Variants in ARHGEF1 observed in about 807,000 individuals in gnomAD.
ARHGEF1 encodes the protein Rho guanine nucleotide exchange factor 1, also known as 115 kDa guanine nucleotide exchange factor.
In ARHGEF1, 40 loss-of-function variants were observed where a neutral mutation model predicts 119.7. The ratio of observed to expected loss-of-function variants is 0.33; its 90% CI spans 0.26 to 0.44. The LOEUF (loss-of-function observed/expected upper bound fraction) is 0.44. ARHGEF1 is among the 20% of genes least tolerant of loss of function. The pLI, the probability that ARHGEF1 is intolerant of heterozygous loss-of-function variation, is 1.00. For synonymous variants in ARHGEF1, 494 were observed against 521.0 expected, an observed-to-expected ratio of 0.95 and a Z score of 0.71; for missense variants, 976 against 1,268.3, an observed-to-expected ratio of 0.77 and a Z score of 3.50.
chr19:41,904,452 G>A lies in ARHGEF1; in HGVS notation c.2161+69G>A. 2.7e-6 allele frequency: 4 copies of A among 1,462,806 alleles called. No homozygotes were observed. Among genetic ancestry groups the A allele is most frequent in the Non-Finnish European group, 3.6e-6 (4 of 1,103,156 alleles). The allele number at this position is 1,462,806 out of a possible 1,614,324, so 90.6% of individuals were successfully genotyped here. A position where few individuals can be genotyped will look rare whatever the true frequency, so the allele number is the denominator to read the frequency against. On this transcript the variant is annotated intron_variant, in intron 22 of 28. Transcript: ENST00000354532. The surrounding 1 kb of genome is among the most constrained non-coding windows in gnomAD (Gnocchi z 8.4). ...TTGGGCAGAGCTGCCTGTGGAGTGGGGAGCAGAACCCTCTAGAGAGCCAGG... is the reference window on the plus strand; with the variant it reads ...TTGGGCAGAGCTGCCTGTGGAGTGGAGAGCAGAACCCTCTAGAGAGCCAGG...
At chr19:41,894,985 T>G (rs1293844091) in intron 11 of ARHGEF1, among the ~76,000 whole-genome samples, 491 of 51,176 alleles carry the variant, frequency 9.6e-3, no homozygotes, top group Non-Finnish European at 0.019. Context: ...GGGTCCGAGG[T>G]AGGAGGGATT....
chr19:41,893,850 GA>G (rs1281070211), intron 8 of ARHGEF1, among the ~76,000 whole-genome samples: 4 of 92,370 alleles, frequency 4.3e-5, no homozygotes, highest in African/African-American at 2.4e-4. Flanking sequence ...TCTGAGGGAG[GA>G]AGGGGCTGGG....
intron 13 of ARHGEF1, chr19:41,896,829 CA>C (rs2074502619): frequency 8.7e-6 from 3 of 346,146 alleles, no homozygotes; most frequent in African/African-American, 4.2e-5. Flanking sequence ...TCACCTCCCC[CA>C]TCCTCTCTCA....
rs2074808447 is a variant in ARHGEF1 at position 41,917,446 on chromosome 19, CA to C, written c.1866-5645del. Among the ~76,000 whole-genome samples the C allele has an allele frequency of 1.3e-5, 2 of 151,940 alleles. No homozygotes were observed. The highest frequency in any genetic ancestry group is 2.4e-5 in the African/African-American group (1 of 41,374). On this transcript the variant is annotated intron_variant, in intron 18 of 20. Transcript: ENST00000599589. This position sits in a 1 kb window ranked among gnomAD's most constrained non-coding sequence, Gnocchi z 4.8. ...GGAGCCGCCTCGGGCCTCGCACCCC[CA>C]CCACCAGCCCCTTCATCCCTCACCC...
downstream of ARHGEF1, chr19:41,909,780 C>G (rs2074742093): frequency 1.4e-6 from 2 of 1,414,432 alleles, no homozygotes; most frequent in Non-Finnish European, 1.9e-6. The surrounding 1 kb of genome is among the most constrained non-coding windows in gnomAD (Gnocchi z 5.2). Flanking sequence ...CAGCAGGAAC[C>G]TGCCCCAGGA....
At position 41,888,625 on chromosome 19, in the gene ARHGEF1, C is replaced by A; in HGVS notation, c.112-127C>A. 1 of 819,226 alleles carries A rather than the reference C, an allele frequency of 1.2e-6. No homozygotes were observed. Among genetic ancestry groups the A allele is most frequent in the Admixed American group, 2.6e-5 (1 of 39,162 alleles). The allele number at this position is 819,226 out of a possible 1,614,324, so 50.7% of individuals were successfully genotyped here. A position where few individuals can be genotyped will look rare whatever the true frequency, so the allele number is the denominator to read the frequency against. ...GTCACCATCATTTTTTGGACACTGTCACCACTCCCCACTTCCCAGGAGCTA... is the reference window on the plus strand; with the variant it reads ...GTCACCATCATTTTTTGGACACTGTAACCACTCCCCACTTCCCAGGAGCTA... On this transcript the variant is annotated intron_variant, in intron 3 of 28. Transcript: ENST00000354532. The surrounding 1 kb of genome is among the most constrained non-coding windows in gnomAD (Gnocchi z 5.1).
chr19:41,919,914 C>A (rs188629502), upstream of ARHGEF1, among the ~76,000 whole-genome samples: 2 of 152,224 alleles, frequency 1.3e-5, no homozygotes, highest in East Asian at 3.9e-4. Flanking sequence ...ACACGTCACA[C>A]AGACATGACA....
intron 7 of ARHGEF1, 197 bp downstream of exon 7, chr19:41,893,046 C>T (rs1457230731): frequency 2.6e-5 from 27 of 1,051,460 alleles, no homozygotes; most frequent in Non-Finnish European, 3.3e-5. Context: ...TTTGGGGTTC[C>T]CTTGTCATTT....
intron 18 of ARHGEF1, among the ~76,000 whole-genome samples, chr19:41,915,939 TC>T (rs1186463264): frequency 2.9e-4 from 41 of 139,410 alleles, no homozygotes; most frequent in African/African-American, 1.0e-3. Context: ...CCCACCCCCC[TC>T]CCCCCCGCCG....
intron 1 of ARHGEF1, among the ~76,000 whole-genome samples, chr19:41,926,599 G>A (rs2074871805): frequency 6.6e-6 from 1 of 152,262 alleles, no homozygotes; most frequent in African/African-American, 2.4e-5. Flanking sequence ...CCCTGGGTGG[G>A]GCACAGAGTT....
chr19:41,913,239 GCT>G (rs1207378235), intron 18 of ARHGEF1, among the ~76,000 whole-genome samples: 1 of 150,470 alleles, frequency 6.6e-6, no homozygotes, highest in Non-Finnish European at 1.5e-5. Context: ...ACTCGCTCAC[GCT>G]CTCACACTCG....
In ARHGEF1 at chr19:41,894,205, A is replaced by G; in HGVS notation, c.645-2A>G. 1 of 1,518,490 alleles carries G rather than the reference A, an allele frequency of 6.6e-7. No individual in the cohort carries two copies. Among genetic ancestry groups the G allele is most frequent in the Non-Finnish European group, 8.8e-7 (1 of 1,131,378 alleles). The allele number at this position is 1,518,490 out of a possible 1,614,324, so 94.1% of individuals were successfully genotyped here. On this transcript the variant is annotated splice_acceptor_variant, in intron 8 of 28. Coordinates refer to ENST00000354532, the MANE Select transcript of ARHGEF1 (RefSeq NM_004706.4). LOFTEE classifies it high-confidence loss of function. ...TGAGCCCTCACTGTCCCTTCCCTAC[A>G]GTGCTGCCGTGGTCAACGCCATTGG...
At chr19:41,929,148 C>T (rs1229422798) in intron 2 of ARHGEF1, among the ~76,000 whole-genome samples, 5 of 152,068 alleles carry the variant, frequency 3.3e-5, no homozygotes, top group African/African-American at 1.2e-4. Context: ...CAGGCACACA[C>T]AGAGAAACAT....
chr19:41,898,104 G>A (rs868985307), intron 13 of ARHGEF1: 22 of 1,375,764 alleles, frequency 1.6e-5, no homozygotes, highest in Middle Eastern at 3.7e-4. Flanking sequence ...GGCCCTGCCC[G>A]ACGAGCCACG....
chr19:41,907,231 G>T lies in ARHGEF1; in HGVS notation c.*144G>T. 6.6e-7 allele frequency: 1 copy of T among 1,519,606 alleles called. No homozygotes were observed. The highest frequency in any genetic ancestry group is 8.8e-7 in the Non-Finnish European group (1 of 1,138,320). The allele number at this position is 1,519,606 out of a possible 1,614,324, so 94.1% of individuals were successfully genotyped here. A position where few individuals can be genotyped will look rare whatever the true frequency, so the allele number is the denominator to read the frequency against. ...GAGCTGTGGGCCACGCCTGGGAGGGGCCCAGCTGGGGTTACTGGCCCCGCA... is the reference window on the plus strand; with the variant it reads ...GAGCTGTGGGCCACGCCTGGGAGGGTCCCAGCTGGGGTTACTGGCCCCGCA... On this transcript the variant is annotated 3_prime_UTR_variant, in exon 29 of 29. Transcript: ENST00000354532.
Position 41,888,191 on chromosome 19 carries a change from G to C in ARHGEF1, c.25-1G>C, listed in dbSNP as rs2074323834. ...ACTGAAGCTGCCCTCCCTTTCCACA[G>C]GCCTCCCCAGGCCCCTCCCGGCCTG... On this transcript the variant is annotated splice_acceptor_variant, in intron 2 of 28. Coordinates refer to ENST00000354532, the MANE Select transcript of ARHGEF1 (RefSeq NM_004706.4). LOFTEE classifies it high-confidence loss of function. The surrounding 1 kb of genome is among the most constrained non-coding windows in gnomAD (Gnocchi z 5.1). The C allele has an allele frequency of 6.2e-7, 1 of 1,613,942 alleles. No homozygotes were observed. Among genetic ancestry groups the C allele is most frequent in the African/African-American group, 1.3e-5 (1 of 74,912 alleles).
Position 41,888,215 on chromosome 19 carries a change from T to C in ARHGEF1, c.48T>C (p.Pro16=). The C allele has an allele frequency of 6.2e-7, 1 of 1,614,102 alleles. No homozygotes were observed. The highest frequency in any genetic ancestry group is 8.5e-7 in the Non-Finnish European group (1 of 1,179,992). ...AGGCCTCCCCAGGCCCCTCCCGGCC[T>C]GGCCTGGTTCCCGTCAGCATCATCG... ...RGAASPGPSR[P]GLVPVSIIGA... Residue 16 remains proline (P), a synonymous_variant, in exon 3 of 29, where the codon CCT becomes CCC. Coordinates refer to ENST00000354532, the MANE Select transcript of ARHGEF1 (RefSeq NM_004706.4). This position sits in a 1 kb window ranked among gnomAD's most constrained non-coding sequence, Gnocchi z 5.1.
chr19:41,926,369 A>C (rs535234023), intron 1 of ARHGEF1, among the ~76,000 whole-genome samples: 1 of 152,052 alleles, frequency 6.6e-6, no homozygotes, highest in Non-Finnish European at 1.5e-5. Context: ...AGGTATGAGG[A>C]GATAGATGTT....
chr19:41,907,491 C>T (rs1261208979), downstream of ARHGEF1: 43 of 1,312,420 alleles, frequency 3.3e-5, no homozygotes, highest in Admixed American at 4.7e-5. Flanking sequence ...CCTGGCATGG[C>T]GTCTGGAACT....
Sources: gnomAD v4.1 joint callset for allele counts (sites outside exome capture counted in the v4.1 genomes callset) on GRCh38, gnomAD v4.1.1 for gene constraint, Gnocchi (gnomAD v3.1) non-coding constraint, MANE v1.5 for transcripts, NCBI Gene and HGNC (gene_info 2026-07-23, HGNC 2026-07-21) for gene names.